KIF24: variants seen among roughly 807,000 people sequenced by gnomAD.
KIF24 encodes the protein kinesin-like protein KIF24.
Under a neutral mutation model 118.9 loss-of-function variants are expected in KIF24, and 81 were observed. The observed-to-expected ratio is 0.68, with a 90% CI of 0.57 to 0.82. The LOEUF (loss-of-function observed/expected upper bound fraction) is 0.82. Among genes scored for constraint, KIF24 ranks in the 40% least tolerant of loss-of-function variants. The pLI, the probability that KIF24 is intolerant of heterozygous loss-of-function variation, is 0.00. For synonymous variants in KIF24, 599 were observed against 610.0 expected (o/e 0.98, Z 0.27); for missense variants, 1,560 against 1,661.6 (o/e 0.94, Z 1.06).
At chr9:34,320,287 C>T (rs1837470754) in intron 1 of KIF24, among the ~76,000 whole-genome samples, 1 of 143,412 alleles carries the variant, frequency 7.0e-6, no homozygotes, top group Non-Finnish European at 1.5e-5. Flanking sequence ...ACTATCAAAC[C>T]AAGAACTTAT....
intron 3 of KIF24, among the ~76,000 whole-genome samples, chr9:34,299,518 A>G (rs1002936733): frequency 6.6e-6 from 1 of 151,944 alleles, no homozygotes; most frequent in East Asian, 1.9e-4. Context: ...ACCGCATTCT[A>G]GCCTGGGCCA....
rs1400829654 is a variant in KIF24, at chr9:34,263,114, C to T, written c.1502G>A (p.Ser501Asn). 3 of 1,612,958 alleles carry T rather than the reference C, an allele frequency of 1.9e-6. No homozygotes were observed. Among genetic ancestry groups the T allele is most frequent in the Non-Finnish European group, 2.5e-6 (3 of 1,179,282 alleles). ...ATTTAACTTTACCTGAGTTAGTTTG[C>T]TTTGCCTGAAGGGAGTATGGGTGTG... ...QEHTHTPFRQ[S>N]KLTQVLKDSF... is the part of the protein sequence containing the mutation. The change falls in exon 9 of 13, where the codon AGC becomes AAC. Residue 501 changes from serine (S) to asparagine (N), a missense_variant. Ser to Asn is a conservative substitution (Grantham distance 46). This residue lies in a region of KIF24 where 964 missense variants were observed against 988.0 expected (regional missense o/e 0.98). Coordinates refer to ENST00000402558, the MANE Select transcript of KIF24 (RefSeq NM_194313.4).
At chr9:34,264,937 C>G (rs4879770) in intron 8 of KIF24, among the ~76,000 whole-genome samples, 151,682 of 152,234 alleles carry the variant, frequency 1, 75,569 homozygotes, top group Middle Eastern at 1. Context: ...TACAGTCATG[C>G]AGTGATCTTG....
intron 1 of KIF24, among the ~76,000 whole-genome samples, chr9:34,326,718 G>A (rs917090335): frequency 5.9e-5 from 9 of 152,138 alleles, no homozygotes; most frequent in Non-Finnish European, 1.0e-4. Flanking sequence ...ATGAGAAGAG[G>A]AGAGAAAGGT....
chr9:34,320,157 A>C (rs1420981616), intron 1 of KIF24, among the ~76,000 whole-genome samples: 2 of 152,068 alleles, frequency 1.3e-5, no homozygotes, highest in Admixed American at 6.5e-5. Context: ...ATCGAGAAAG[A>C]GCTCACAGGA....
At chr9:34,270,890 G>A (rs1372342263) in intron 7 of KIF24, among the ~76,000 whole-genome samples, 2 of 149,088 alleles carry the variant, frequency 1.3e-5, no homozygotes, top group Non-Finnish European at 1.5e-5. Context: ...TCAATGGGGT[G>A]ACAGATGTCG....
At chr9:34,300,143 A>C (rs1323212480) in intron 3 of KIF24, among the ~76,000 whole-genome samples, 1 of 152,182 alleles carries the variant, frequency 6.6e-6, no homozygotes, top group African/African-American at 2.4e-5. Context: ...TGAGAACACA[A>C]ATCCAAATCT....
intron 3 of KIF24, among the ~76,000 whole-genome samples, chr9:34,301,590 C>T (rs1264564206): frequency 4.6e-5 from 7 of 152,198 alleles, no homozygotes; most frequent in Non-Finnish European, 7.4e-5. Context: ...AATCCCAGCA[C>T]CTTGAAAGGC....
chr9:34,268,759 T>A (rs1356151916), intron 8 of KIF24, among the ~76,000 whole-genome samples: 2 of 151,628 alleles, frequency 1.3e-5, no homozygotes, highest in Non-Finnish European at 2.9e-5. Context: ...CCACCTGCCC[T>A]GGCCTCCCAA....
Position 34,257,871 on chromosome 9 carries a change from G to A in KIF24, c.1736C>T (p.Ser579Leu). 1 of 1,614,006 alleles carries A rather than the reference G, an allele frequency of 6.2e-7. No homozygotes were observed. Among genetic ancestry groups the A allele is most frequent in the Non-Finnish European group, 8.5e-7 (1 of 1,179,886 alleles). Residue 579 changes from serine to leucine, a missense_variant, in exon 11 of 13, where the codon TCA becomes TTA. Physicochemically the swap from Ser to Leu is moderately radical, Grantham distance 145. Transcript: ENST00000402558. ...TTTTTTGGGAGAACATTTGTCCTCT[G>A]ACAAAGCCCCAGGGGAGCTCTGAAT... is the stretch of plus-strand genomic sequence containing the variant. ...KRIQSSPGAL[S>L]EDKCSPKKVK...
intron 1 of KIF24, among the ~76,000 whole-genome samples, chr9:34,322,016 A>C (rs1469810406): frequency 6.6e-6 from 1 of 152,146 alleles, no homozygotes; most frequent in African/African-American, 2.4e-5. Flanking sequence ...TCCATGAAGG[A>C]TTATCTTCAT....
At position 34,252,473 on chromosome 9, in the gene KIF24, CT is replaced by C. The variant is rs1191422266; in HGVS notation, c.*1906del. 6.1e-5 allele frequency: 1 copy of C among 16,450 alleles called. No homozygotes were observed. The highest frequency in any genetic ancestry group is 1.3e-4 in the African/African-American group (1 of 7,604). 1.0% of individuals were successfully genotyped at this position (16,450 alleles called of 1,614,324 possible). ...TCTTGAATCTAAAATAATTTGCTAA[CT>C]AACTATTTTGATTCTTCAGAGAGAA... On this transcript the variant is annotated 3_prime_UTR_variant, in exon 13 of 13. Coordinates refer to ENST00000402558, the MANE Select transcript of KIF24 (RefSeq NM_194313.4).
chr9:34,302,652 G>C (rs1836765445), intron 3 of KIF24, among the ~76,000 whole-genome samples: 1 of 151,284 alleles, frequency 6.6e-6, no homozygotes. Context: ...TTTTAAAAGA[G>C]ACGGAGTTTC....
rs181758442 is a variant in KIF24 at position 34,264,148 on chromosome 9, G to A, written c.1444-976C>T. On this transcript the variant is annotated intron_variant, in intron 8 of 12. Transcript: ENST00000402558. ...TAAAAGAAAAGAAAAGGAGCTGGGTGCAGTGGCTCATGCCTGTAATCCCAG... is the reference window on the plus strand; with the variant it reads ...TAAAAGAAAAGAAAAGGAGCTGGGTACAGTGGCTCATGCCTGTAATCCCAG... 3.5e-3 allele frequency among the ~76,000 whole-genome samples: 527 copies of A among 152,104 alleles called. 6 individuals carry two copies. Among genetic ancestry groups the A allele is most frequent in the African/African-American group, 0.012 (508 of 41,532 alleles).
Position 34,255,754 on chromosome 9 carries a change from G to A in KIF24, c.3853C>T (p.Pro1285Ser). 1 of 1,612,644 alleles carries A rather than the reference G, an allele frequency of 6.2e-7. No individual in the cohort carries two copies. The highest frequency in any genetic ancestry group is 1.7e-4 in the Middle Eastern group (1 of 6,060). The change falls in exon 11 of 13, where the codon CCC (proline) becomes TCC (serine). Residue 1285 changes from proline (P) to serine (S), a missense_variant. Pro to Ser is a moderately conservative substitution (Grantham distance 74). Coordinates refer to ENST00000402558, the MANE Select transcript of KIF24 (RefSeq NM_194313.4). Reference protein sequence around the residue: ...SPKTAGTLRQPTLEQAQQVVI... With the variant: ...SPKTAGTLRQSTLEQAQQVVI... ...ACTTACTGCGCTTGCTCCAGGGTGG[G>A]CTGACGGAGTGTCCCTGCAGTCTTG...
intron 1 of KIF24, among the ~76,000 whole-genome samples, chr9:34,314,632 A>G (rs1837278338): frequency 6.6e-6 from 1 of 152,238 alleles, no homozygotes; most frequent in Non-Finnish European, 1.5e-5. Flanking sequence ...TATATCTATC[A>G]AAATTACAAA....
chr9:34,331,656 G>A (rs1837941399), upstream of KIF24, among the ~76,000 whole-genome samples: 1 of 152,170 alleles, frequency 6.6e-6, no homozygotes, highest in Non-Finnish European at 1.5e-5. Context: ...GGTCTTGGTA[G>A]AGAAGGGAGG....
chr9:34,305,816 G>A (rs891392160), intron 3 of KIF24, among the ~76,000 whole-genome samples: 3 of 151,988 alleles, frequency 2.0e-5, no homozygotes, highest in African/African-American at 7.3e-5. Context: ...ATGGTGCCCA[G>A]GGTGGTCTCA....
Position 34,318,374 on chromosome 9 carries a change from A to C in KIF24, c.-25-7003T>G. The stretch of plus-strand genomic sequence containing the variant: ...AGCTTGACCTAGCCCTGACAGGTCC[A>C]TCGTGGTGCACGCAAACCACCTCCC... On this transcript the variant is annotated intron_variant, in intron 1 of 12. Transcript: ENST00000402558. This position sits in a 1 kb window ranked among gnomAD's most constrained non-coding sequence, Gnocchi z 4.9. 1.2e-5 allele frequency: 6 copies of C among 510,640 alleles called. No individual in the cohort carries two copies. The highest frequency in any genetic ancestry group is 2.3e-5 in the Admixed American group (1 of 43,918). 31.6% of individuals were successfully genotyped at this position (510,640 alleles called of 1,614,324 possible).
Sources: gnomAD v4.1 joint callset for allele counts (sites outside exome capture counted in the v4.1 genomes callset) on GRCh38, gnomAD v4.1.1 for gene constraint, gnomAD v4.1.1 regional missense constraint, Gnocchi (gnomAD v3.1) non-coding constraint, MANE v1.5 for transcripts, NCBI Gene and HGNC (gene_info 2026-07-23, HGNC 2026-07-21) for gene names.